EIF3H: variants seen among roughly 807,000 people sequenced by gnomAD.
EIF3H encodes eukaryotic translation initiation factor 3 subunit H.
In EIF3H, 26 loss-of-function variants were observed where a neutral mutation model predicts 44.2. The ratio of observed to expected loss-of-function variants is 0.59; its 90% CI spans 0.43 to 0.82. The LOEUF (loss-of-function observed/expected upper bound fraction) is 0.82, where lower values mean the gene tolerates loss of function less well. Ranked by LOEUF, EIF3H falls within the 40% of genes least tolerant of loss-of-function variation. The probability of loss-of-function intolerance (pLI) is 0.00; values close to 1 mark genes in which losing one functional copy is unlikely to be tolerated. For missense variants in EIF3H, 359 were observed against 432.8 expected, an observed-to-expected ratio of 0.83 and a Z score of 1.51; for synonymous variants, 166 against 151.9, an observed-to-expected ratio of 1.09 and a Z score of -0.68.
rs1813252714 is a variant in EIF3H at position 116,643,370 on chromosome 8, C to T, written c.*1636G>A. 6.6e-6 allele frequency: 1 copy of T among 152,150 alleles called. No individual in the cohort carries two copies. The highest frequency in any genetic ancestry group is 6.5e-5 in the Admixed American group (1 of 15,276). 9.4% of individuals were successfully genotyped at this position (152,150 alleles called of 1,614,324 possible). A position where few individuals can be genotyped will look rare whatever the true frequency, so the allele number is the denominator to read the frequency against. On this transcript the variant is annotated 3_prime_UTR_variant, in exon 8 of 8. Coordinates refer to ENST00000521861, the MANE Select transcript of EIF3H (RefSeq NM_003756.3). ...CTCGTAAGTCTATATCAAAGATTATCCTAAAGAAATAATTATATATGTGAG... is the reference window on the plus strand; with the variant it reads ...CTCGTAAGTCTATATCAAAGATTATTCTAAAGAAATAATTATATATGTGAG...
intron 2 of EIF3H, among the ~76,000 whole-genome samples, chr8:116,668,431 G>T (rs1405845534): frequency 6.6e-6 from 1 of 152,068 alleles, no homozygotes; most frequent in African/African-American, 2.4e-5. Context: ...TTTGGCAAAC[G>T]AATTATTCAA....
intron 2 of EIF3H, among the ~76,000 whole-genome samples, chr8:116,723,456 G>A (rs1814785865): frequency 6.6e-6 from 1 of 152,134 alleles, no homozygotes; most frequent in Non-Finnish European, 1.5e-5. Flanking sequence ...CACTGCATAA[G>A]GGTTTAAAAA....
At chr8:116,696,406 A>G (rs950303256) in intron 2 of EIF3H, among the ~76,000 whole-genome samples, 1 of 152,248 alleles carries the variant, frequency 6.6e-6, no homozygotes. Flanking sequence ...TAAATTGAAA[A>G]TTATATAGAT....
chr8:116,693,761 C>T (rs538568277), intron 2 of EIF3H, among the ~76,000 whole-genome samples: 1 of 152,160 alleles, frequency 6.6e-6, no homozygotes. Flanking sequence ...TAGCTCACTG[C>T]AGCTCTGAAT....
intron 2 of EIF3H, among the ~76,000 whole-genome samples, chr8:116,674,521 T>C (rs1813815079): frequency 6.6e-6 from 1 of 152,152 alleles, no homozygotes; most frequent in Non-Finnish European, 1.5e-5. Context: ...TCTCTTCCCT[T>C]GAATCAGGGA....
At chr8:116,660,168 G>C (rs1813563167) in intron 2 of EIF3H, among the ~76,000 whole-genome samples, 1 of 152,154 alleles carries the variant, frequency 6.6e-6, no homozygotes, top group Non-Finnish European at 1.5e-5. Flanking sequence ...TGGGATTGCA[G>C]GCATGAGCCA....
intron 2 of EIF3H, among the ~76,000 whole-genome samples, chr8:116,702,698 C>T (rs1414718162): frequency 6.6e-6 from 1 of 152,064 alleles, no homozygotes; most frequent in East Asian, 1.9e-4. Context: ...TCATCATAAG[C>T]TGATTCACTG....
intron 6 of EIF3H, among the ~76,000 whole-genome samples, chr8:116,646,919 CCTTTACCATTCATGACAATGAGGTA>C (rs1760931208): frequency 6.6e-6 from 1 of 152,034 alleles, no homozygotes; most frequent in African/African-American, 2.4e-5. Context: ...AAAGGGAGTT[CCTTTACCATTCATGACAATGAGGTA>C]ATAAATGATT....
Position 116,646,473 on chromosome 8 carries a change from G to A in EIF3H, c.959C>T (p.Ala320Val), listed in dbSNP as rs1453865947. 14 of 1,614,160 alleles carry A rather than the reference G, an allele frequency of 8.7e-6. No individual in the cohort carries two copies. Among genetic ancestry groups the A allele is most frequent in the Non-Finnish European group, 1.1e-5 (13 of 1,180,008 alleles). ...PPARMDSLLIAGQINTYCQNI... is the reference protein window; with the variant it reads ...PPARMDSLLIVGQINTYCQNI... Reference sequence around the variant, plus strand: ...GGTTTTGCACTGGGCAACAATACCTGCAATGAGCAGCGAGTCCATCCTGGC... The same window carrying A: ...GGTTTTGCACTGGGCAACAATACCTACAATGAGCAGCGAGTCCATCCTGGC... The change falls in exon 7 of 8, where the codon GCA (alanine) becomes GTA (valine). Residue 320 changes from alanine to valine, a missense_variant and splice_region_variant. Physicochemically the swap from Ala to Val is moderately conservative, Grantham distance 64. Coordinates refer to ENST00000521861, the MANE Select transcript of EIF3H (RefSeq NM_003756.3).
At chr8:116,650,474 T>C (rs1478617472) in intron 5 of EIF3H, among the ~76,000 whole-genome samples, 1 of 152,216 alleles carries the variant, frequency 6.6e-6, no homozygotes, top group Non-Finnish European at 1.5e-5. Context: ...TTATTCTTAA[T>C]AGCCAAAAAC....
At chr8:116,696,921 C>A in intron 2 of EIF3H, 1 of 321,780 alleles carries the variant, frequency 3.1e-6, no homozygotes, top group Non-Finnish European at 6.1e-6. Context: ...AAAGAAAACA[C>A]AAAACCAACA....
At chr8:116,738,572 T>C (rs945694597) in intron 1 of EIF3H, among the ~76,000 whole-genome samples, 1 of 152,154 alleles carries the variant, frequency 6.6e-6, no homozygotes, top group Admixed American at 6.5e-5. Context: ...AAGAGAAGCC[T>C]AACTTATGCT....
At chr8:116,654,880 A>G (rs531206004) in intron 5 of EIF3H, among the ~76,000 whole-genome samples, 2 of 150,764 alleles carry the variant, frequency 1.3e-5, no homozygotes, top group Non-Finnish European at 3.0e-5. Flanking sequence ...CACTTGCCTT[A>G]TATCGAGGAA....
At chr8:116,674,202 T>A (rs1196614325) in intron 2 of EIF3H, among the ~76,000 whole-genome samples, 1 of 150,684 alleles carries the variant, frequency 6.6e-6, no homozygotes, top group Non-Finnish European at 1.5e-5. Context: ...AGCCCAAGAC[T>A]CTGCTGAGTA....
chr8:116,663,319 G>C (rs1429242209), intron 2 of EIF3H, among the ~76,000 whole-genome samples: 2 of 152,190 alleles, frequency 1.3e-5, no homozygotes, highest in Non-Finnish European at 2.9e-5. Context: ...GATCAATGAA[G>C]AAACAGGCAC....
intron 2 of EIF3H, among the ~76,000 whole-genome samples, chr8:116,685,034 TG>T (rs1183279994): frequency 6.6e-6 from 1 of 152,216 alleles, no homozygotes; most frequent in Non-Finnish European, 1.5e-5. Flanking sequence ...AGATGCAATA[TG>T]AATCAGAAAA....
At chr8:116,765,947 G>A (rs1290314810) in exon 1 of EIF3H, 2 of 152,214 alleles carry the variant, frequency 1.3e-5, no homozygotes, top group Non-Finnish European at 2.9e-5. Flanking sequence ...CCTGAGTGAC[G>A]TTAGTTTCTA....
At chr8:116,695,230 G>A (rs1814250212) in intron 2 of EIF3H, among the ~76,000 whole-genome samples, 1 of 151,928 alleles carries the variant, frequency 6.6e-6, no homozygotes, top group Non-Finnish European at 1.5e-5. Flanking sequence ...ATCACGCCCG[G>A]CTAATTTTTG....
At chr8:116,655,388 C>T (rs1367602166) in intron 5 of EIF3H, among the ~76,000 whole-genome samples, 1 of 151,726 alleles carries the variant, frequency 6.6e-6, no homozygotes, top group African/African-American at 2.4e-5. Context: ...AAAACTCAAA[C>T]AACTGTAATT....
Sources: allele counts gnomAD v4.1 joint callset (sites outside exome capture counted in the v4.1 genomes callset), GRCh38; gene constraint gnomAD v4.1.1; transcripts MANE v1.5; gene names NCBI Gene and HGNC (gene_info 2026-07-23, HGNC 2026-07-21).